Variants in LDB2 observed in about 807,000 individuals in gnomAD.
The protein encoded by LDB2 is LIM domain binding 2, also known as LIM domain-binding protein 2.
In LDB2, 12 loss-of-function variants were observed where a neutral mutation model predicts 44.3. The observed-to-expected ratio is 0.27, with a 90% confidence interval of 0.17 to 0.44. The LOEUF (loss-of-function observed/expected upper bound fraction) is 0.44. Ranked by LOEUF, LDB2 falls within the 20% of genes least tolerant of loss-of-function variation. LDB2 has a pLI of 1.00. For missense variants in LDB2, 344 were observed against 473.5 expected, an observed-to-expected ratio of 0.73 and a Z score of 2.54; for synonymous variants, 164 against 174.8, an observed-to-expected ratio of 0.94 and a Z score of 0.49.
chr4:16,550,693 C>G (rs1437900880), intron 5 of LDB2, among the ~76,000 whole-genome samples: 2 of 152,158 alleles, frequency 1.3e-5, no homozygotes, highest in East Asian at 1.9e-4. Flanking sequence ...TTGGCACAAG[C>G]CTTTTGGAAA....
chr4:16,702,632 T>A (rs1753706391), intron 2 of LDB2, among the ~76,000 whole-genome samples: 1 of 152,206 alleles, frequency 6.6e-6, no homozygotes, highest in South Asian at 2.1e-4. Flanking sequence ...GTCATCTTCC[T>A]CTTATTTACT....
intron 2 of LDB2, among the ~76,000 whole-genome samples, chr4:16,682,169 C>T (rs991956980): frequency 6.6e-6 from 1 of 152,134 alleles, no homozygotes; most frequent in Non-Finnish European, 1.5e-5. Context: ...GTAAAAAGCA[C>T]ATGTTCTCAC....
intron 1 of LDB2, among the ~76,000 whole-genome samples, chr4:16,878,195 C>T (rs1718991186): frequency 6.6e-6 from 1 of 152,066 alleles, no homozygotes; most frequent in Admixed American, 6.6e-5. Context: ...AATTGATGGG[C>T]ATTGAGGATA....
At chr4:16,587,925 G>A (rs964566787) in intron 4 of LDB2, among the ~76,000 whole-genome samples, 1 of 152,076 alleles carries the variant, frequency 6.6e-6, no homozygotes, top group Non-Finnish European at 1.5e-5. Context: ...AAAAAAATCA[G>A]TAAATGGTAG....
intron 2 of LDB2, among the ~76,000 whole-genome samples, chr4:16,664,265 T>C (rs1352012009): frequency 6.6e-6 from 1 of 152,192 alleles, no homozygotes; most frequent in African/African-American, 2.4e-5. Context: ...GAAGATACTG[T>C]CTGAACCAGG....
At chr4:16,823,835 C>A (rs569015458) in intron 1 of LDB2, among the ~76,000 whole-genome samples, 17 of 152,332 alleles carry the variant, frequency 1.1e-4, no homozygotes, top group Middle Eastern at 3.4e-3. Context: ...TTCTAGTGTA[C>A]AATCTTACCT....
At chr4:16,818,771 C>A (rs1781408935) in intron 1 of LDB2, among the ~76,000 whole-genome samples, 1 of 152,194 alleles carries the variant, frequency 6.6e-6, no homozygotes, top group African/African-American at 2.4e-5. Flanking sequence ...TTCTCTTTGA[C>A]TAAACTGTAG....
intron 1 of LDB2, among the ~76,000 whole-genome samples, chr4:16,782,258 C>A (rs552337393): frequency 6.6e-6 from 1 of 152,224 alleles, no homozygotes; most frequent in Admixed American, 6.5e-5. Context: ...TCCTTGTGGG[C>A]AGAAATCAGA....
intron 1 of LDB2, among the ~76,000 whole-genome samples, chr4:16,786,344 A>C (rs1052753834): frequency 2.0e-5 from 3 of 152,118 alleles, no homozygotes; most frequent in Non-Finnish European, 4.4e-5. Flanking sequence ...CTGTCTGTTT[A>C]TTTGTTTATT....
At chr4:16,588,871 T>C in intron 3 of LDB2, 39 bp from the exon 4 acceptor site, 1 of 1,605,704 alleles carries the variant, frequency 6.2e-7, no homozygotes, top group Non-Finnish European at 8.5e-7. Flanking sequence ...ATTACGCACT[T>C]TGTGAAAGCC....
At chr4:16,538,924 G>A (rs1732784166) in intron 5 of LDB2, among the ~76,000 whole-genome samples, 1 of 152,210 alleles carries the variant, frequency 6.6e-6, no homozygotes, top group Admixed American at 6.5e-5. Context: ...TAAGTCATCT[G>A]AAGCCATACA....
At chr4:16,700,221 G>C (rs988604913) in intron 2 of LDB2, among the ~76,000 whole-genome samples, 1 of 152,110 alleles carries the variant, frequency 6.6e-6, no homozygotes, top group African/African-American at 2.4e-5. Flanking sequence ...ATAATTAGTA[G>C]TGTAAATATG....
At chr4:16,556,269 C>T (rs184790542) in intron 5 of LDB2, among the ~76,000 whole-genome samples, 1 of 152,160 alleles carries the variant, frequency 6.6e-6, no homozygotes, top group Non-Finnish European at 1.5e-5. Flanking sequence ...ATATTTCTAG[C>T]ACCTAGCACC....
At chr4:16,884,610 T>C (rs1721110019) in intron 1 of LDB2, among the ~76,000 whole-genome samples, 1 of 152,206 alleles carries the variant, frequency 6.6e-6, no homozygotes, top group Non-Finnish European at 1.5e-5. Context: ...CAAATTCCCA[T>C]TTATCCATCA....
At chr4:16,809,562 G>A (rs974847604) in intron 1 of LDB2, among the ~76,000 whole-genome samples, 5 of 152,062 alleles carry the variant, frequency 3.3e-5, no homozygotes, top group African/African-American at 1.2e-4. Context: ...TCAGGGAGTG[G>A]ATTTCTGTCC....
rs551212643 is a variant in LDB2, at chr4:16,549,725, T to A, written c.615+36197A>T. On this transcript the variant is annotated intron_variant, in intron 5 of 7. Transcript: ENST00000304523. ...GTATACTATCTGCCCCTGGAAAGGA[T>A]TAGAGAAGTTACTTCCTCATGAAAT... Among the ~76,000 whole-genome samples, 28 of 152,292 alleles carry A rather than the reference T, an allele frequency of 1.8e-4. 1 individual carries two copies. The South Asian group carries it at 5.6e-3, about 30-fold the overall frequency.
chr4:16,837,500 G>A (rs762722434), intron 1 of LDB2, among the ~76,000 whole-genome samples: 1 of 152,144 alleles, frequency 6.6e-6, no homozygotes, highest in Non-Finnish European at 1.5e-5. Flanking sequence ...TTGCTCTATT[G>A]AATGTTCAGA....
intron 1 of LDB2, among the ~76,000 whole-genome samples, chr4:16,801,374 G>A (rs1777791610): frequency 6.6e-6 from 1 of 152,170 alleles, no homozygotes; most frequent in South Asian, 2.1e-4. Context: ...CTCCATCAGA[G>A]GGTGTGGTAC....
At chr4:16,581,940 G>C (rs796150146) in intron 5 of LDB2, among the ~76,000 whole-genome samples, 45 of 149,576 alleles carry the variant, frequency 3.0e-4, no homozygotes, top group African/African-American at 9.6e-4. Context: ...AAGAAAGAAA[G>C]GAAGGGAGGG....
Sources: allele counts gnomAD v4.1 joint callset (sites outside exome capture counted in the v4.1 genomes callset), GRCh38; gene constraint gnomAD v4.1.1; transcripts MANE v1.5; gene names NCBI Gene and HGNC (gene_info 2026-07-23, HGNC 2026-07-21).